ST7L: variants seen among roughly 807,000 people sequenced by gnomAD.
ST7L encodes suppressor of tumorigenicity 7 protein-like.
Under a neutral mutation model 72.5 loss-of-function variants are expected in ST7L, and 57 were observed. The ratio of observed to expected loss-of-function variants is 0.79; its 90% CI spans 0.64 to 0.98. The LOEUF (loss-of-function observed/expected upper bound fraction) is 0.98, where lower values mean the gene tolerates loss of function less well. ST7L is among the 50% of genes least tolerant of loss of function. The pLI, the probability that ST7L is intolerant of heterozygous loss-of-function variation, is 0.00. For missense variants in ST7L, 576 were observed against 672.2 expected, an observed-to-expected ratio of 0.86 and a Z score of 1.58; for synonymous variants, 221 against 240.9, an observed-to-expected ratio of 0.92 and a Z score of 0.77.
chr1:112,530,226 A>C (rs562584962), intron 14 of ST7L: 4 of 152,338 alleles, frequency 2.6e-5, no homozygotes, highest in African/African-American at 9.6e-5. Context: ...CTTCTACTGC[A>C]ACACTAGTTT....
intron 14 of ST7L, 78 bp from the exon 15 acceptor site, chr1:112,526,189 A>AGTTTACAAAGGAAC (rs1361496698): frequency 4.3e-5 from 68 of 1,591,642 alleles, no homozygotes; most frequent in Non-Finnish European, 5.8e-5. Flanking sequence ...ATCTGAGCAC[A>AGTTTACAAAGGAAC]GTTTACAAAG....
chr1:112,582,761 A>G (rs1664324165), intron 7 of ST7L, among the ~76,000 whole-genome samples: 1 of 152,176 alleles, frequency 6.6e-6, no homozygotes. Context: ...TAATTCGTGT[A>G]TGATTGACAA....
chr1:112,558,810 A>AT (rs939617306), intron 11 of ST7L, among the ~76,000 whole-genome samples: 3 of 151,950 alleles, frequency 2.0e-5, no homozygotes, highest in African/African-American at 4.8e-5. Flanking sequence ...ATCCTTGCCC[A>AT]TTTTTTTTAA....
intron 1 of ST7L, among the ~76,000 whole-genome samples, chr1:112,617,589 G>A (rs924608192): frequency 6.6e-6 from 1 of 152,026 alleles, no homozygotes; most frequent in African/African-American, 2.4e-5. Context: ...GTGCACGCCT[G>A]CAGTCCCAGC....
intron 12 of ST7L, among the ~76,000 whole-genome samples, chr1:112,554,860 A>T (rs902856762): frequency 6.6e-6 from 1 of 152,196 alleles, no homozygotes; most frequent in African/African-American, 2.4e-5. Context: ...ATATTATACT[A>T]AGTGAAAAAG....
chr1:112,605,507 GT>G (rs1265955250), intron 3 of ST7L, among the ~76,000 whole-genome samples: 1 of 151,452 alleles, frequency 6.6e-6, no homozygotes, highest in African/African-American at 2.4e-5. Context: ...CCTGACCAAC[GT>G]GGAGAAAACC....
At chr1:112,542,361 G>GA (rs893520805) in intron 13 of ST7L, among the ~76,000 whole-genome samples, 1 of 151,910 alleles carries the variant, frequency 6.6e-6, no homozygotes, top group Non-Finnish European at 1.5e-5. Flanking sequence ...AGGTGATTTT[G>GA]AAAAAAAGCT....
chr1:112,578,861 G>A (rs961644632), intron 9 of ST7L, among the ~76,000 whole-genome samples: 1 of 152,172 alleles, frequency 6.6e-6, no homozygotes, highest in Admixed American at 6.5e-5. Flanking sequence ...AAACCTGGAC[G>A]TGATGTTGAA....
intron 11 of ST7L, 124 bp downstream of exon 11, chr1:112,576,862 A>G: frequency 1.6e-6 from 1 of 624,804 alleles, no homozygotes; most frequent in Admixed American, 3.1e-5. Flanking sequence ...AATAATAAGC[A>G]TCAAAATATA....
intron 3 of ST7L, 59 bp from the exon 4 acceptor site, chr1:112,600,907 A>G: frequency 6.8e-7 from 1 of 1,470,544 alleles, no homozygotes; most frequent in South Asian, 1.2e-5. Flanking sequence ...TCATTTAACC[A>G]ATATCTATTG....
intron 14 of ST7L, chr1:112,539,279 T>C (rs1655703827): frequency 6.6e-6 from 1 of 152,310 alleles, no homozygotes; most frequent in South Asian, 2.1e-4. Context: ...GCAAACACTG[T>C]GAAGTGGTGA....
chr1:112,618,003 TCA>T (rs1394460322), intron 1 of ST7L: 2 of 1,303,848 alleles, frequency 1.5e-6, no homozygotes, highest in East Asian at 5.6e-5. Flanking sequence ...GAACATTAAC[TCA>T]CAGTCTTTCA....
Position 112,597,968 on chromosome 1 carries a change from T to C in ST7L, c.622+3A>G, listed in dbSNP as rs1666730878. ...TTATACTATGAACAGATATGATACATACCTGTGTCTGAAGGACGTAAAAAA... is the reference window on the plus strand; with the variant it reads ...TTATACTATGAACAGATATGATACACACCTGTGTCTGAAGGACGTAAAAAA... On this transcript the variant is annotated splice_donor_region_variant and intron_variant, in intron 5 of 14. Coordinates refer to ENST00000358039, the MANE Select transcript of ST7L (RefSeq NM_017744.5). The C allele has an allele frequency of 6.2e-7, 1 of 1,608,368 alleles. No individual in the cohort carries two copies. Among genetic ancestry groups the C allele is most frequent in the Non-Finnish European group, 8.5e-7 (1 of 1,175,632 alleles).
intron 6 of ST7L, among the ~76,000 whole-genome samples, chr1:112,585,525 G>C (rs1188929691): frequency 6.6e-6 from 1 of 151,884 alleles, no homozygotes; most frequent in African/African-American, 2.4e-5. Context: ...GGCGGATCAC[G>C]AGGTCAGGAG....
chr1:112,601,533 C>A (rs187134935), intron 3 of ST7L, among the ~76,000 whole-genome samples: 1 of 152,170 alleles, frequency 6.6e-6, no homozygotes, highest in Non-Finnish European at 1.5e-5. Context: ...GTGTGAGCCA[C>A]CGCGCCTGGC....
At chr1:112,579,199 A>G (rs1663663065) in intron 9 of ST7L, among the ~76,000 whole-genome samples, 2 of 152,052 alleles carry the variant, frequency 1.3e-5, no homozygotes, top group Non-Finnish European at 2.9e-5. Context: ...CCTGGCCAAC[A>G]TAGTGAAACC....
intron 14 of ST7L, chr1:112,540,787 G>A: frequency 7.8e-7 from 1 of 1,283,522 alleles, no homozygotes; most frequent in Non-Finnish European, 1.0e-6. Flanking sequence ...ACCAAGTAAG[G>A]ACTAGTTTTT....
At chr1:112,522,783 G>A (rs754210622), downstream of ST7L, 8 of 152,210 alleles carry the variant, frequency 5.3e-5, no homozygotes, top group Non-Finnish European at 1.2e-4. Context: ...TGCGGTAAGG[G>A]GATGCCTGTG....
At chr1:112,609,667 C>T (rs1271525055) in intron 3 of ST7L, among the ~76,000 whole-genome samples, 1 of 151,660 alleles carries the variant, frequency 6.6e-6, no homozygotes, top group Non-Finnish European at 1.5e-5. Flanking sequence ...ACTAAAAATA[C>T]AAAATATTAG....
Sources: allele counts gnomAD v4.1 joint callset (sites outside exome capture counted in the v4.1 genomes callset), GRCh38; gene constraint gnomAD v4.1.1; transcripts MANE v1.5; gene names NCBI Gene and HGNC (gene_info 2026-07-23, HGNC 2026-07-21).